UNC13C: variants seen among roughly 807,000 people sequenced by gnomAD.
UNC13C encodes the protein protein unc-13 homolog C.
Under a neutral mutation model 245.4 loss-of-function variants are expected in UNC13C, and 174 were observed. The ratio of observed to expected loss-of-function variants is 0.71; its 90% confidence interval spans 0.63 to 0.80. UNC13C has a LOEUF of 0.80. Ranked by LOEUF, UNC13C falls within the 30% of genes least tolerant of loss-of-function variation. The probability of loss-of-function intolerance (pLI) is 0.00; values close to 1 mark genes in which losing one functional copy is unlikely to be tolerated. For synonymous variants in UNC13C, 992 were observed against 895.1 expected (o/e 1.11, Z -1.93); for missense variants, 2,829 against 2,602.9 (o/e 1.09, Z -1.89).
intron 19 of UNC13C, among the ~76,000 whole-genome samples, chr15:54,481,191 CT>C (rs11334174): frequency 0.41 from 62,635 of 151,898 alleles, 13,184 homozygotes; most frequent in East Asian, 0.62. Context: ...CAATGCATTG[CT>C]GTGGATGGGA....
At chr15:54,278,465 C>T (rs890128033) in intron 10 of UNC13C, among the ~76,000 whole-genome samples, 6 of 152,100 alleles carry the variant, frequency 3.9e-5, no homozygotes, top group African/African-American at 1.4e-4. Flanking sequence ...TCACTAATGT[C>T]TAAATGATCC....
At position 54,167,526 on chromosome 15, in the gene UNC13C, A is replaced by G. The variant is rs528801979; in HGVS notation, c.3071+23842A>G. 1.6e-4 allele frequency among the ~76,000 whole-genome samples: 23 copies of G among 145,294 alleles called. No individual in the cohort carries two copies. The East Asian group carries it at 4.4e-3, about 28-fold the overall frequency. ...AAAAAAAAAAAAAAAAAAAGAAAAGAAAAATAAGAGAAGATACTCTTGAAC... is the reference window on the plus strand; with the variant it reads ...AAAAAAAAAAAAAAAAAAAGAAAAGGAAAATAAGAGAAGATACTCTTGAAC... On this transcript the variant is annotated intron_variant, in intron 4 of 32. Transcript: ENST00000260323.
At chr15:54,040,861 A>C (rs1463092988) in intron 2 of UNC13C, among the ~76,000 whole-genome samples, 1 of 151,748 alleles carries the variant, frequency 6.6e-6, no homozygotes, top group Non-Finnish European at 1.5e-5. Context: ...TAAATCCTCT[A>C]CCTCCTCCCA....
the UNC13C span, among the ~76,000 whole-genome samples, chr15:53,874,575 G>T: frequency 6.6e-6 from 1 of 152,122 alleles, no homozygotes; most frequent in Non-Finnish European, 1.5e-5. Flanking sequence ...ACCCAGAGAG[G>T]ACAGGTGAAC....
At chr15:53,864,579 T>C in the UNC13C span, among the ~76,000 whole-genome samples, 1 of 152,316 alleles carries the variant, frequency 6.6e-6, no homozygotes, top group South Asian at 2.1e-4. Context: ...TTTTAAACTT[T>C]CAACATTCTC....
At chr15:54,321,477 C>T in intron 13 of UNC13C, 1 of 486,160 alleles carries the variant, frequency 2.1e-6, no homozygotes, top group East Asian at 5.6e-5. Context: ...GCTACATCCA[C>T]CTCCTCCACA....
At chr15:54,302,301 C>T (rs1461199472) in intron 13 of UNC13C, among the ~76,000 whole-genome samples, 1 of 152,112 alleles carries the variant, frequency 6.6e-6, no homozygotes, top group African/African-American at 2.4e-5. Flanking sequence ...TTAATTAGAT[C>T]CCATTTGTCA....
intron 29 of UNC13C, among the ~76,000 whole-genome samples, chr15:54,566,901 A>T (rs1359685844): frequency 6.6e-6 from 1 of 152,118 alleles, no homozygotes; most frequent in African/African-American, 2.4e-5. Flanking sequence ...AGTGAGCCAC[A>T]GTTACTAGTG....
intron 13 of UNC13C, among the ~76,000 whole-genome samples, chr15:54,304,653 T>TAAA (rs55692010): frequency 0.021 from 2,547 of 123,256 alleles, 57 homozygotes; most frequent in East Asian, 0.033. Context: ...GAGATGTAAC[T>TAAA]AAAAAAAAAA....
At chr15:54,107,959 G>A (rs1176368885) in intron 2 of UNC13C, among the ~76,000 whole-genome samples, 3 of 152,168 alleles carry the variant, frequency 2.0e-5, no homozygotes, top group Non-Finnish European at 2.9e-5. Flanking sequence ...AAACTGGTAT[G>A]AGCAAAGGCA....
At chr15:53,880,961 G>A in the UNC13C span, among the ~76,000 whole-genome samples, 1 of 152,130 alleles carries the variant, frequency 6.6e-6, no homozygotes, top group Non-Finnish European at 1.5e-5. Flanking sequence ...AGAGAAAAGA[G>A]CTGAATTGGA....
At chr15:54,489,510 T>C (rs908897331) in intron 19 of UNC13C, among the ~76,000 whole-genome samples, 3 of 152,162 alleles carry the variant, frequency 2.0e-5, no homozygotes, top group African/African-American at 4.8e-5. Context: ...TCTATATGTA[T>C]GTATATGTAT....
At chr15:54,366,959 C>T (rs1262715692) in intron 17 of UNC13C, among the ~76,000 whole-genome samples, 1 of 152,138 alleles carries the variant, frequency 6.6e-6, no homozygotes. Context: ...TGAGCTCTCA[C>T]ACAACTGTCT....
chr15:54,498,451 G>C (rs1894051254), intron 20 of UNC13C, among the ~76,000 whole-genome samples: 1 of 151,750 alleles, frequency 6.6e-6, no homozygotes, highest in Non-Finnish European at 1.5e-5. Context: ...AAGAAATCAT[G>C]GTAAAAATTA....
At chr15:54,275,445 T>G (rs549420171) in intron 10 of UNC13C, among the ~76,000 whole-genome samples, 2 of 152,292 alleles carry the variant, frequency 1.3e-5, no homozygotes, top group African/African-American at 4.8e-5. Flanking sequence ...TTCTGCCCTT[T>G]TTTGAACCAC....
At chr15:54,118,582 C>A (rs898242315) in intron 2 of UNC13C, among the ~76,000 whole-genome samples, 2 of 152,076 alleles carry the variant, frequency 1.3e-5, no homozygotes, top group African/African-American at 4.8e-5. Flanking sequence ...AATATCATGT[C>A]ATCTGTGAAT....
chr15:54,598,792 A>C (rs1187084460), intron 30 of UNC13C, among the ~76,000 whole-genome samples: 1 of 152,140 alleles, frequency 6.6e-6, no homozygotes, highest in Non-Finnish European at 1.5e-5. Context: ...TTATATAAAA[A>C]CATTCATGCA....
At chr15:54,167,619 A>AG (rs1361787183) in intron 4 of UNC13C, among the ~76,000 whole-genome samples, 4 of 149,058 alleles carry the variant, frequency 2.7e-5, no homozygotes, top group Non-Finnish European at 4.5e-5. Context: ...AAAAAAAAAA[A>AG]AAAAAGAAAC....
At chr15:54,220,062 C>G (rs71474866) in intron 4 of UNC13C, among the ~76,000 whole-genome samples, 19,347 of 120,064 alleles carry the variant, frequency 0.16, 2,038 homozygotes, top group African/African-American at 0.21. Context: ...TCTAGAACTA[C>G]AAATACCATT....
Sources: gnomAD v4.1 joint callset for allele counts (sites outside exome capture counted in the v4.1 genomes callset) on GRCh38, gnomAD v4.1.1 for gene constraint, MANE v1.5 for transcripts, NCBI Gene and HGNC (gene_info 2026-07-23, HGNC 2026-07-21) for gene names.